Variants in DAP3 observed in about 807,000 individuals in gnomAD.
DAP3 encodes the protein small ribosomal subunit protein mS29.
DAP3 carries 28 observed loss-of-function variants against 51.9 expected under a neutral mutation model. The ratio of observed to expected loss-of-function variants is 0.54; its 90% CI spans 0.40 to 0.74. The LOEUF is 0.74. Among genes scored for constraint, DAP3 ranks in the 30% least tolerant of loss-of-function variants. The pLI is 0.00. For missense variants in DAP3, 458 were observed against 483.5 expected (o/e 0.95, Z 0.49); for synonymous variants, 170 against 170.3 (o/e 1.00, Z 0.01).
At chr1:155,709,691 TAATC>T in intron 1 of DAP3, 78 bp from the exon 2 acceptor site, 2 of 1,180,376 alleles carry the variant, frequency 1.7e-6, no homozygotes, top group Non-Finnish European at 2.4e-6. Context: ...TAATCCCTAT[TAATC>T]TATTGTCAGT....
At chr1:155,700,333 G>A (rs1406259940) in intron 1 of DAP3, among the ~76,000 whole-genome samples, 17 of 152,216 alleles carry the variant, frequency 1.1e-4, no homozygotes. Context: ...CATTCTGTGG[G>A]CTGTCTTTCA....
intron 11 of DAP3, among the ~76,000 whole-genome samples, chr1:155,733,568 A>T (rs1194366743): frequency 6.6e-6 from 1 of 152,202 alleles, no homozygotes; most frequent in Middle Eastern, 3.4e-3. Flanking sequence ...GCCGGGTGTG[A>T]TGGCTCACGT....
chr1:155,700,530 C>T (rs1358412246), intron 1 of DAP3, among the ~76,000 whole-genome samples: 2 of 144,714 alleles, frequency 1.4e-5, no homozygotes, highest in Admixed American at 6.7e-5. Flanking sequence ...GGGCGGTCAG[C>T]CCCCCGCCCG....
upstream of DAP3, chr1:155,688,379 A>C: frequency 6.5e-7 from 1 of 1,544,340 alleles, no homozygotes; most frequent in Non-Finnish European, 8.8e-7. Context: ...GAGGGAGCTA[A>C]GGGCGCCTAG....
intron 2 of DAP3, among the ~76,000 whole-genome samples, chr1:155,713,680 T>C (rs1319045920): frequency 6.6e-6 from 1 of 152,170 alleles, no homozygotes; most frequent in Admixed American, 6.5e-5. Context: ...TTTTTTAAAA[T>C]AGAGACAAAC....
At chr1:155,730,255 A>G (rs529423235) in intron 9 of DAP3, among the ~76,000 whole-genome samples, 1 of 129,514 alleles carries the variant, frequency 7.7e-6, no homozygotes, top group Non-Finnish European at 1.5e-5. Context: ...ATACGTATAT[A>G]TGCACACATA....
chr1:155,690,238 C>T (rs1653561006), intron 1 of DAP3, among the ~76,000 whole-genome samples: 1 of 141,730 alleles, frequency 7.1e-6, no homozygotes, highest in South Asian at 2.1e-4. Context: ...GTGGAATCTT[C>T]TACTGGATCC....
At chr1:155,691,117 C>T (rs1307464246) in intron 1 of DAP3, among the ~76,000 whole-genome samples, 1 of 141,838 alleles carries the variant, frequency 7.1e-6, no homozygotes, top group East Asian at 1.9e-4. Context: ...CCGTGTTAGC[C>T]AGGCTGGTCT....
chr1:155,727,468 CA>C (rs201880344), intron 6 of DAP3, 139 bp from the exon 7 acceptor site: 91,793 of 504,574 alleles, frequency 0.18, 62 homozygotes, highest in Middle Eastern at 0.19. Flanking sequence ...GACCCTGTCT[CA>C]AAAAAAAAAA....
chr1:155,691,976 T>A, intron 1 of DAP3, among the ~76,000 whole-genome samples: 1 of 141,510 alleles, frequency 7.1e-6, no homozygotes, highest in East Asian at 1.9e-4. Flanking sequence ...AGAGTTCTGA[T>A]CTCCACACTG....
chr1:155,721,753 C>T (rs966584787), intron 4 of DAP3, 135 bp downstream of exon 4: 3 of 757,720 alleles, frequency 4.0e-6, no homozygotes, highest in Non-Finnish European at 6.6e-6. Flanking sequence ...GTGTTGATTA[C>T]CTTTTGTGAC....
intron 2 of DAP3, 64 bp from the exon 3 acceptor site, chr1:155,716,942 C>A (rs1359092641): frequency 9.6e-6 from 15 of 1,562,298 alleles, no homozygotes; most frequent in Non-Finnish European, 1.2e-5. Context: ...GAGAGAAACT[C>A]CATCTCAAAA....
At chr1:155,730,403 G>A (rs990416423) in intron 9 of DAP3, among the ~76,000 whole-genome samples, 3 of 151,890 alleles carry the variant, frequency 2.0e-5, no homozygotes, top group African/African-American at 7.3e-5. Context: ...CAGGAGTTTG[G>A]AGTTTGAGGT....
chr1:155,729,278 C>A lies in DAP3; in HGVS notation c.755C>A (p.Ser252Tyr). 6.2e-7 allele frequency: 1 copy of A among 1,614,168 alleles called. No individual in the cohort carries two copies. The highest frequency in any genetic ancestry group is 1.7e-5 in the Admixed American group (1 of 59,994). ...CTGAAAGAGCTAAAGAGGCAAAGTT[C>A]TTTGGGTATGTTTCACCTCCTAGTG... Reference protein sequence around the residue: ...IVLKELKRQSSLGMFHLLVAV... With the variant: ...IVLKELKRQSYLGMFHLLVAV... Residue 252 changes from serine (S) to tyrosine (Y), a missense_variant, in exon 9 of 13, where the codon TCT becomes TAT. Coordinates refer to ENST00000368336, the MANE Select transcript of DAP3 (RefSeq NM_004632.4).
At chr1:155,736,911 A>T in intron 11 of DAP3, 35 bp from the exon 12 acceptor site, 2 of 1,527,996 alleles carry the variant, frequency 1.3e-6, no homozygotes, top group Non-Finnish European at 1.8e-6. Flanking sequence ...TTTGTTCCTT[A>T]ACTAACATGT....
intron 2 of DAP3, among the ~76,000 whole-genome samples, chr1:155,713,326 A>T (rs1312162745): frequency 1.3e-5 from 2 of 152,224 alleles, no homozygotes; most frequent in Non-Finnish European, 2.9e-5. Flanking sequence ...TTTCCCAAGC[A>T]TTGCTGCTTC....
chr1:155,728,947 C>T (rs1323189160), intron 7 of DAP3, 95 bp from the exon 8 acceptor site: 2 of 1,157,802 alleles, frequency 1.7e-6, no homozygotes, highest in East Asian at 4.7e-5. Context: ...AAATGAACTC[C>T]TGTTAACCTT....
intron 1 of DAP3, among the ~76,000 whole-genome samples, chr1:155,693,563 T>C (rs542310023): frequency 7.0e-6 from 1 of 142,204 alleles, no homozygotes; most frequent in East Asian, 1.9e-4. Context: ...AGTCCTGTCT[T>C]GTATCTATCA....
intron 2 of DAP3, 57 bp downstream of exon 2, chr1:155,709,881 T>G: frequency 6.5e-7 from 1 of 1,543,828 alleles, no homozygotes; most frequent in South Asian, 1.2e-5. Context: ...TCCCAGATTC[T>G]TGTTTTCAGA....
Sources: allele counts gnomAD v4.1 joint callset (sites outside exome capture counted in the v4.1 genomes callset), GRCh38; gene constraint gnomAD v4.1.1; transcripts MANE v1.5; gene names NCBI Gene and HGNC (gene_info 2026-07-23, HGNC 2026-07-21).